Variants in PACS2 observed in about 807,000 individuals in gnomAD.
PACS2 encodes the protein phosphofurin acidic cluster sorting protein 2, also known as PACS1-like protein.
PACS2 carries 36 observed loss-of-function variants against 113.0 expected under a neutral mutation model. That is an observed-to-expected ratio of 0.32 (90% CI 0.24 to 0.42). The LOEUF is 0.42. Among genes scored for constraint, PACS2 ranks in the 10% least tolerant of loss-of-function variants. The pLI, the probability that PACS2 is intolerant of heterozygous loss-of-function variation, is 1.00. For missense variants in PACS2, 1,015 were observed against 1,239.5 expected (o/e 0.82, Z 2.72); for synonymous variants, 589 against 536.1 (o/e 1.10, Z -1.36).
At position 105,314,930 on chromosome 14, in the gene PACS2, A is replaced by T; in HGVS notation, c.12A>T (p.Arg4=). MAE[R]GRLGLPGAPG... is the part of the protein sequence containing the mutation. ...GCGGGGCCGGCGCCATGGCCGAGCG[A>T]GGCCGCCTCGGCCTCCCCGGCGCGC... The change falls in exon 1 of 25, where the codon CGA becomes CGT. Residue 4 remains arginine, a synonymous_variant. Coordinates refer to ENST00000447393, the MANE Select transcript of PACS2 (RefSeq NM_001100913.3). 1 of 1,085,956 alleles carries T rather than the reference A, an allele frequency of 9.2e-7. No individual in the cohort carries two copies. Among genetic ancestry groups the T allele is most frequent in the Non-Finnish European group, 1.1e-6 (1 of 884,668 alleles). The allele number at this position is 1,085,956 out of a possible 1,614,324, so 67.3% of individuals were successfully genotyped here. A position where few individuals can be genotyped will look rare whatever the true frequency, so the allele number is the denominator to read the frequency against.
At chr14:105,352,173 T>C (rs931388329) in intron 2 of PACS2, among the ~76,000 whole-genome samples, 6 of 152,178 alleles carry the variant, frequency 3.9e-5, no homozygotes, top group African/African-American at 1.4e-4. Context: ...AGGTGGAACC[T>C]GTGGGCCGAA....
rs1191793753 is a variant in PACS2, at chr14:105,329,079, G to A, written c.119+14042G>A. On this transcript the variant is annotated intron_variant, in intron 1 of 24. Coordinates refer to ENST00000447393, the MANE Select transcript of PACS2 (RefSeq NM_001100913.3). The surrounding 1 kb of genome is among the most constrained non-coding windows in gnomAD (Gnocchi z 6.4). ...AGTGTGCTGGGAGTGAGATTAGAGG[G>A]AGGACTCCCTGGAGGCTGGCCCTGC... is the stretch of plus-strand genomic sequence containing the variant. Among the ~76,000 whole-genome samples, 1 of 152,212 alleles carries A rather than the reference G, an allele frequency of 6.6e-6. No homozygotes were observed. Among genetic ancestry groups the A allele is most frequent in the Non-Finnish European group, 1.5e-5 (1 of 68,040 alleles).
Position 105,348,682 on chromosome 14 carries a change from A to G in PACS2, c.207+102A>G. ...TGCGCTACTGTGGGGCCTTGTGCCA[A>G]AACAGCGGGCAGCCCATGCCATCTC... On this transcript the variant is annotated intron_variant, in intron 2 of 24. Coordinates refer to ENST00000447393, the MANE Select transcript of PACS2 (RefSeq NM_001100913.3). This position sits in a 1 kb window ranked among gnomAD's most constrained non-coding sequence, Gnocchi z 6.4. 1 of 877,644 alleles carries G rather than the reference A, an allele frequency of 1.1e-6. No individual in the cohort carries two copies. Among genetic ancestry groups the G allele is most frequent in the Non-Finnish European group, 1.9e-6 (1 of 534,840 alleles). The allele number at this position is 877,644 out of a possible 1,614,324, so 54.4% of individuals were successfully genotyped here.
At chr14:105,374,165 A>AC (rs1301115930) in intron 8 of PACS2, among the ~76,000 whole-genome samples, 1 of 152,066 alleles carries the variant, frequency 6.6e-6, no homozygotes, top group Admixed American at 6.6e-5. Flanking sequence ...AAAAAAAAAA[A>AC]AAAAAACTTG....
chr14:105,360,940 G>A (rs782102300), intron 4 of PACS2, among the ~76,000 whole-genome samples: 3 of 152,108 alleles, frequency 2.0e-5, no homozygotes, highest in Non-Finnish European at 4.4e-5. Flanking sequence ...AACCACTTTC[G>A]TTGCTCATCC....
In PACS2 at chr14:105,396,492, CTTTT is replaced by C. The variant is rs2081532325; in HGVS notation, c.*1821_*1824del. ...CATCTGTTTTTCTGCTCTCCAGTTT[CTTTT>C]CTTTTTTTTTTTTTTTTTTTTTGAG... On this transcript the variant is annotated 3_prime_UTR_variant, in exon 25 of 25. Transcript: ENST00000447393. The C allele has an allele frequency of 7.2e-6, 1 of 139,304 alleles. No individual in the cohort carries two copies. The highest frequency in any genetic ancestry group is 1.5e-5 in the Non-Finnish European group (1 of 64,694). 8.6% of individuals were successfully genotyped at this position (139,304 alleles called of 1,614,324 possible).
At chr14:105,318,554 A>G (rs891110011) in intron 1 of PACS2, among the ~76,000 whole-genome samples, 5 of 149,496 alleles carry the variant, frequency 3.3e-5, no homozygotes, top group African/African-American at 1.2e-4. Context: ...CCCTGTTTCG[A>G]TTTTCCTGCC....
Position 105,389,371 on chromosome 14 carries a change from C to T in PACS2, c.2034-590C>T, listed in dbSNP as rs145508468. On this transcript the variant is annotated intron_variant, in intron 19 of 24. Coordinates refer to ENST00000447393, the MANE Select transcript of PACS2 (RefSeq NM_001100913.3). Reference sequence around the variant, plus strand: ...GTGCTGGGCCTGCCTGCAGGCTGTGCGTGGGGTGTTCTGGTAGAACATGGA... The same window carrying T: ...GTGCTGGGCCTGCCTGCAGGCTGTGTGTGGGGTGTTCTGGTAGAACATGGA... The T allele has an allele frequency of 3.0e-3, 467 of 158,248 alleles. 2 individuals carry two copies. Among genetic ancestry groups the T allele is most frequent in the African/African-American group, 0.011 (445 of 41,764 alleles). The allele number at this position is 158,248 out of a possible 1,614,324, so 9.8% of individuals were successfully genotyped here.
chr14:105,366,978 C>T lies in PACS2; in HGVS notation c.424-235C>T, dbSNP rs782224971. Among the ~76,000 whole-genome samples the T allele has an allele frequency of 4.3e-4, 65 of 152,168 alleles. No homozygotes were observed. The highest frequency in any genetic ancestry group is 1.8e-4 in the Non-Finnish European group (12 of 68,020). On this transcript the variant is annotated intron_variant, in intron 4 of 24. Coordinates refer to ENST00000447393, the MANE Select transcript of PACS2 (RefSeq NM_001100913.3). This position sits in a 1 kb window ranked among gnomAD's most constrained non-coding sequence, Gnocchi z 4.3. ...TATGGCCCGTTCGTGAAAGCTCCCA[C>T]GTGTTCCTCTCGTCTGTCCGCCTGG...
intron 1 of PACS2, among the ~76,000 whole-genome samples, chr14:105,337,611 C>T (rs897678463): frequency 6.4e-4 from 98 of 152,318 alleles, no homozygotes; most frequent in African/African-American, 2.3e-3. Context: ...GGCTATGCCT[C>T]CCTGGGCTTA....
At chr14:105,309,776 CTTTT>C (rs928875653), upstream of PACS2, among the ~76,000 whole-genome samples, 63 of 89,228 alleles carry the variant, frequency 7.1e-4, 1 homozygote, top group East Asian at 0.013. This position sits in a 1 kb window ranked among gnomAD's most constrained non-coding sequence, Gnocchi z 4.0. Flanking sequence ...TGATGTGTGT[CTTTT>C]TTTTTTTTTT....
intron 11 of PACS2, 83 bp from the exon 12 acceptor site, chr14:105,380,874 C>T (rs1025504853): frequency 7.6e-5 from 105 of 1,387,702 alleles, no homozygotes; most frequent in Non-Finnish European, 9.6e-5. Flanking sequence ...AACCCTCACC[C>T]GAGCCAGAGG....
At chr14:105,389,842 C>CCGTCCGG in intron 19 of PACS2, 119 bp from the exon 20 acceptor site, 1 of 887,806 alleles carries the variant, frequency 1.1e-6, no homozygotes, top group Non-Finnish European at 1.9e-6. Flanking sequence ...TCCGGCAGGG[C>CCGTCCGG]CATCCGGCAG....
rs1413146163 is a variant in PACS2 at position 105,340,424 on chromosome 14, G to A, written c.120-8069G>A. On this transcript the variant is annotated intron_variant, in intron 1 of 24. Transcript: ENST00000447393. The surrounding 1 kb of genome is among the most constrained non-coding windows in gnomAD (Gnocchi z 4.2). ...CCCAACCTTTTTGCCGCCAGGGACC[G>A]GTTTTGTGGAAGACAGTTTTTCCAC... 1.3e-5 allele frequency among the ~76,000 whole-genome samples: 2 copies of A among 152,202 alleles called. No individual in the cohort carries two copies. Among genetic ancestry groups the A allele is most frequent in the Non-Finnish European group, 2.9e-5 (2 of 68,038 alleles).
At chr14:105,383,901 C>T (rs1438787853) in intron 16 of PACS2, 6 of 281,228 alleles carry the variant, frequency 2.1e-5, no homozygotes, top group Non-Finnish European at 4.0e-5. Flanking sequence ...TATTAATCCT[C>T]TCAAATCGTC....
intron 7 of PACS2, among the ~76,000 whole-genome samples, chr14:105,368,801 C>G (rs984127819): frequency 1.3e-5 from 2 of 152,252 alleles, no homozygotes; most frequent in African/African-American, 4.8e-5. Flanking sequence ...TGCCTCGCTG[C>G]CAGGCTCACT....
chr14:105,336,918 G>A (rs1339263644), intron 1 of PACS2, among the ~76,000 whole-genome samples: 1 of 150,540 alleles, frequency 6.6e-6, no homozygotes, highest in African/African-American at 2.4e-5. Flanking sequence ...AGGGCCTCCA[G>A]GGGAGATCTC....
intron 1 of PACS2, among the ~76,000 whole-genome samples, chr14:105,306,665 G>A (rs587693758): frequency 6.6e-6 from 1 of 151,854 alleles, no homozygotes; most frequent in South Asian, 2.1e-4. Context: ...TAGTGCAATG[G>A]CACGATCTTG....
upstream of PACS2, among the ~76,000 whole-genome samples, chr14:105,313,549 C>G (rs1370238207): frequency 6.6e-6 from 1 of 152,236 alleles, no homozygotes; most frequent in Non-Finnish European, 1.5e-5. Flanking sequence ...ACAGGAGTTA[C>G]AGCTGGAGGC....
Sources: allele counts gnomAD v4.1 joint callset (sites outside exome capture counted in the v4.1 genomes callset), GRCh38; gene constraint gnomAD v4.1.1; non-coding constraint Gnocchi (gnomAD v3.1); transcripts MANE v1.5; gene names NCBI Gene and HGNC (gene_info 2026-07-23, HGNC 2026-07-21).